The following MAP4 variants were observed in gnomAD, a reference collection of about 807,000 sequenced individuals.
MAP4 encodes the protein microtubule associated protein 4, also known as microtubule-associated protein 4.
MAP4 carries 76 observed loss-of-function variants against 170.2 expected under a neutral mutation model. That is an observed-to-expected ratio of 0.45 (90% CI 0.37 to 0.54). MAP4 has a LOEUF of 0.54. MAP4 is among the 20% of genes least tolerant of loss of function. The pLI is 0.00. For missense variants in MAP4, 2,506 were observed against 2,748.0 expected, an observed-to-expected ratio of 0.91 and a Z score of 1.97; for synonymous variants, 909 against 994.5, an observed-to-expected ratio of 0.91 and a Z score of 1.62.
chr3:47,863,543 G>A (rs761446027), intron 17 of MAP4, among the ~76,000 whole-genome samples: 4 of 151,950 alleles, frequency 2.6e-5, no homozygotes, highest in African/African-American at 7.2e-5. Context: ...GAGCAATCAC[G>A]GCATCACACA....
chr3:47,882,670 C>G (rs1269692369), intron 10 of MAP4, among the ~76,000 whole-genome samples: 1 of 152,020 alleles, frequency 6.6e-6, no homozygotes, highest in Non-Finnish European at 1.5e-5. Context: ...AAACTCTGGG[C>G]TCAAGTGATC....
intron 1 of MAP4, among the ~76,000 whole-genome samples, chr3:48,030,302 G>A (rs2100115344): frequency 2.6e-5 from 4 of 151,480 alleles, no homozygotes. Context: ...AAATCTTCAG[G>A]GGACACCCCA....
chr3:48,084,464 C>T (rs1468834556), intron 1 of MAP4, among the ~76,000 whole-genome samples: 2 of 151,568 alleles, frequency 1.3e-5, no homozygotes, highest in Non-Finnish European at 2.9e-5. Context: ...TAATGACATC[C>T]AAAATAGTTC....
Position 47,911,903 on chromosome 3 carries a change from T to C in MAP4, c.2518A>G (p.Ser840Gly). ...TTCTCAGCTACCAGTCTGGCTGCAC[T>C]GGAGTTAACTAAACATTCCCTTTTC... is the stretch of plus-strand genomic sequence containing the variant. ...NLKRECLVNSSAARLVAENFV... is the reference protein window; with the variant it reads ...NLKRECLVNSGAARLVAENFV... Residue 840 changes from serine (S) to glycine (G), a missense_variant, in exon 9 of 21, where the codon AGT (serine) becomes GGT (glycine). Physicochemically the swap from Ser to Gly is moderately conservative, Grantham distance 56. Coordinates refer to ENST00000683076, the MANE Select transcript of MAP4 (RefSeq NM_001385682.1). This position sits in a 1 kb window ranked among gnomAD's most constrained non-coding sequence, Gnocchi z 4.0. The C allele has an allele frequency of 6.5e-7, 1 of 1,536,096 alleles. No individual in the cohort carries two copies.
intron 7 of MAP4, among the ~76,000 whole-genome samples, chr3:47,915,364 C>A (rs989445436): frequency 6.6e-6 from 1 of 152,144 alleles, no homozygotes; most frequent in African/African-American, 2.4e-5. Context: ...GATCCGCCCA[C>A]CTCGGCCGCC....
At chr3:47,918,927 GT>G in intron 5 of MAP4, 86 bp from the exon 6 acceptor site, 7 of 1,192,248 alleles carry the variant, frequency 5.9e-6, no homozygotes, top group East Asian at 2.7e-5. Flanking sequence ...GTTTTGTTTT[GT>G]TTTGTTTGTT....
chr3:47,863,392 C>T lies in MAP4; in HGVS notation c.6501+3854G>A, dbSNP rs543403955. 5.9e-5 allele frequency among the ~76,000 whole-genome samples: 9 copies of T among 152,316 alleles called. No homozygotes were observed. The South Asian group carries it at 1.9e-3, about 32-fold the overall frequency. ...ATGTGGAGGAGTCTACAATCTGCTT[C>T]CAAACGATTCCCCCACACCACCCTG... On this transcript the variant is annotated intron_variant, in intron 17 of 20. Coordinates refer to ENST00000683076, the MANE Select transcript of MAP4 (RefSeq NM_001385682.1).
chr3:47,856,435 C>T (rs1234241438), intron 18 of MAP4, among the ~76,000 whole-genome samples: 1 of 151,804 alleles, frequency 6.6e-6, no homozygotes, highest in Non-Finnish European at 1.5e-5. Context: ...TCATGCTCTT[C>T]GCTGAGAGGG....
intron 10 of MAP4, among the ~76,000 whole-genome samples, chr3:47,897,530 T>C (rs1056064485): frequency 6.6e-6 from 1 of 152,182 alleles, no homozygotes; most frequent in Non-Finnish European, 1.5e-5. Flanking sequence ...ATACACAGTA[T>C]GCATACACAT....
chr3:47,966,578 C>A (rs2100075191), intron 3 of MAP4, among the ~76,000 whole-genome samples: 1 of 151,750 alleles, frequency 6.6e-6, no homozygotes, highest in African/African-American at 2.4e-5. Flanking sequence ...ATGAGGTCTT[C>A]CTATAGTGCC....
intron 8 of MAP4, 119 bp downstream of exon 8, chr3:47,914,698 C>A: frequency 8.4e-7 from 1 of 1,193,378 alleles, no homozygotes. Context: ...AGAGAATTGA[C>A]TTCATAAACT....
At chr3:47,915,078 G>A in intron 7 of MAP4, 139 bp from the exon 8 acceptor site, 2 of 982,246 alleles carry the variant, frequency 2.0e-6, no homozygotes, top group Non-Finnish European at 3.1e-6. Flanking sequence ...GTGGTAGTTG[G>A]AAGCTGAAGT....
At chr3:48,072,662 G>A (rs1045036120) in intron 1 of MAP4, among the ~76,000 whole-genome samples, 1 of 152,102 alleles carries the variant, frequency 6.6e-6, no homozygotes, top group African/African-American at 2.4e-5. Flanking sequence ...AGGATAATTA[G>A]GGGCAAAAGG....
At chr3:47,861,499 C>T (rs1005869484) in intron 17 of MAP4, among the ~76,000 whole-genome samples, 13 of 151,640 alleles carry the variant, frequency 8.6e-5, no homozygotes, top group Non-Finnish European at 1.8e-4. Flanking sequence ...ATTATAGGCA[C>T]GCACCACCAC....
chr3:47,871,207 A>AATGGC lies in MAP4; in HGVS notation c.6001+15_6001+19dup. ...GGGGGTTCAAGTTAGGGCTCTACAA[A>AATGGC]ATGGCGGATGGGCTATTACCTGGTA... On this transcript the variant is annotated intron_variant, in intron 14 of 20. Coordinates refer to ENST00000683076, the MANE Select transcript of MAP4 (RefSeq NM_001385682.1). 6.2e-7 allele frequency: 1 copy of AATGGC among 1,614,048 alleles called. No individual in the cohort carries two copies. The highest frequency in any genetic ancestry group is 1.7e-5 in the Admixed American group (1 of 60,024).
chr3:47,858,117 G>C (rs2059655450), intron 17 of MAP4, among the ~76,000 whole-genome samples: 1 of 149,650 alleles, frequency 6.7e-6, no homozygotes, highest in Non-Finnish European at 1.5e-5. Context: ...GGGTTCAAGT[G>C]ATTCTTCTGC....
At chr3:47,960,112 C>T (rs1356895109) in intron 3 of MAP4, among the ~76,000 whole-genome samples, 9 of 152,190 alleles carry the variant, frequency 5.9e-5, no homozygotes, top group Admixed American at 5.9e-4. Context: ...GATCCGCCTG[C>T]CTCGCCTCCC....
At chr3:48,038,974 C>T (rs546337062) in intron 1 of MAP4, among the ~76,000 whole-genome samples, 140 of 152,018 alleles carry the variant, frequency 9.2e-4, no homozygotes, top group African/African-American at 3.3e-3. Context: ...TGGTGATGCA[C>T]GCCTATAGTC....
intron 1 of MAP4, among the ~76,000 whole-genome samples, chr3:48,053,010 AAGAAAC>A (rs2100128734): frequency 6.6e-6 from 1 of 152,254 alleles, no homozygotes; most frequent in Non-Finnish European, 1.5e-5. Flanking sequence ...TTCACCTTTA[AAGAAAC>A]AGAAACTAAA....
Sources: allele counts gnomAD v4.1 joint callset (sites outside exome capture counted in the v4.1 genomes callset), GRCh38; gene constraint gnomAD v4.1.1; non-coding constraint Gnocchi (gnomAD v3.1); transcripts MANE v1.5; gene names NCBI Gene and HGNC (gene_info 2026-07-23, HGNC 2026-07-21).